Variants in DENND1C observed in about 807,000 individuals in gnomAD.
DENND1C encodes DENN domain-containing protein 1C.
In DENND1C, 64 loss-of-function variants were observed where a neutral mutation model predicts 87.9. That is an observed-to-expected ratio of 0.73 (90% CI 0.60 to 0.90). DENND1C has a LOEUF of 0.90. Ranked by LOEUF, DENND1C falls within the 40% of genes least tolerant of loss-of-function variation. DENND1C has a pLI of 0.00. For synonymous variants in DENND1C, 384 were observed against 424.4 expected, an observed-to-expected ratio of 0.90 and a Z score of 1.17; for missense variants, 980 against 1,037.0, an observed-to-expected ratio of 0.95 and a Z score of 0.76.
chr19:6,479,970 C>G lies in DENND1C; in HGVS notation c.82+17G>C. On this transcript the variant is annotated intron_variant, in intron 2 of 22. Transcript: ENST00000381480. ...ACCCTCCCCTCCCACTCCCTCACTC[C>G]CAGGCTCCCAACTCACCCTCCTGCA... 1 of 1,604,764 alleles carries G rather than the reference C, an allele frequency of 6.2e-7. No homozygotes were observed. The highest frequency in any genetic ancestry group is 2.2e-5 in the East Asian group (1 of 44,446).
rs753982077 is a variant in DENND1C, at chr19:6,479,000, C to T, written c.233G>A (p.Gly78Asp). ...GCGGCAGAAACCAAATCTGCGGTTG[C>T]CGGCAAGGTCTGTGAGGGCGAAGGT... is the stretch of plus-strand genomic sequence containing the variant. The part of the protein sequence containing the change: ...HFTFALTDLA[G>D]NRRFGFCRLR... The change falls in exon 5 of 23, where the codon GGC (glycine) becomes GAC (aspartate). Residue 78 changes from glycine (G) to aspartate (D), a missense_variant. By Grantham distance (94) the Gly-to-Asp change is moderately conservative (BLOSUM62 -1). Transcript: ENST00000381480. 82 of 1,613,832 alleles carry T rather than the reference C, an allele frequency of 5.1e-5. 1 individual carries two copies. The highest frequency in any genetic ancestry group is 1.2e-4 in the Admixed American group (7 of 59,992).
intron 22 of DENND1C, 44 bp downstream of exon 22, chr19:6,468,190 G>A (rs142693243): frequency 1.2e-6 from 2 of 1,612,392 alleles, no homozygotes; most frequent in East Asian, 4.5e-5. Context: ...GGACCATTAG[G>A]GGAAGACTTG....
rs963675901 is a variant in DENND1C at position 6,467,535 on chromosome 19, A to G, written c.2375T>C (p.Val792Ala). The G allele has an allele frequency of 1.9e-6, 3 of 1,607,130 alleles. No individual in the cohort carries two copies. The highest frequency in any genetic ancestry group is 2.5e-6 in the Non-Finnish European group (3 of 1,177,518). ...QKSQPSSRPR[V>A]ADLKKCFEG ...CTCAAAGCACTTCTTAAGATCAGCGACTCTGGGCCGGCTGCTGGGCTGGGA... is the reference window on the plus strand; with the variant it reads ...CTCAAAGCACTTCTTAAGATCAGCGGCTCTGGGCCGGCTGCTGGGCTGGGA... Residue 792 changes from valine to alanine, a missense_variant, in exon 23 of 23, where the codon GTC becomes GCC. Physicochemically the swap from Val to Ala is moderately conservative, Grantham distance 64 (BLOSUM62 0). Transcript: ENST00000381480.
intron 6 of DENND1C, among the ~76,000 whole-genome samples, chr19:6,478,560 A>AT (rs965787058): frequency 1.5e-4 from 22 of 151,490 alleles, no homozygotes; most frequent in Admixed American, 2.6e-4. Flanking sequence ...TTGGCCAATT[A>AT]TTTTTTATAT....
intron 19 of DENND1C, 74 bp downstream of exon 19, chr19:6,469,522 A>T: frequency 6.9e-7 from 1 of 1,456,156 alleles, no homozygotes; most frequent in Non-Finnish European, 9.4e-7. Context: ...GGGCTCAAGC[A>T]ATCCTCCTGC....
chr19:6,481,710 C>A lies in DENND1C; in HGVS notation c.-15G>T. ...CTGGATTCCATGGTCCCTGCAGGGCCAGCCCAGCGGGGCCCTCTCCCCAGG... is the reference window on the plus strand; with the variant it reads ...CTGGATTCCATGGTCCCTGCAGGGCAAGCCCAGCGGGGCCCTCTCCCCAGG... On this transcript the variant is annotated 5_prime_UTR_variant, in exon 1 of 23. Transcript: ENST00000381480. 6.3e-7 allele frequency: 1 copy of A among 1,577,964 alleles called. No individual in the cohort carries two copies.
chr19:6,476,687 C>A, intron 10 of DENND1C, 170 bp downstream of exon 10: 1 of 664,836 alleles, frequency 1.5e-6, no homozygotes. Flanking sequence ...CCCCCTCCCA[C>A]GAGGGCGGGG....
At chr19:6,476,800 C>G in intron 10 of DENND1C, 57 bp downstream of exon 10, 3 of 1,534,612 alleles carry the variant, frequency 2.0e-6, no homozygotes, top group East Asian at 4.6e-5. Context: ...CCTTGTCCCG[C>G]CCCCCGGGGC....
At position 6,471,394 on chromosome 19, in the gene DENND1C, C is replaced by G. The variant is rs1599380513; in HGVS notation, c.1249+12G>C. 6.3e-7 allele frequency: 1 copy of G among 1,584,496 alleles called. No individual in the cohort carries two copies. The highest frequency in any genetic ancestry group is 2.3e-5 in the East Asian group (1 of 43,296). On this transcript the variant is annotated intron_variant, in intron 16 of 22. Transcript: ENST00000381480. ...GGTAGTGGGGGACCCAGGGGCTGGA[C>G]TCAGGGCTCACCTGAGGAGGCCCCG...
In DENND1C at chr19:6,470,359, C is replaced by T. The variant is rs748518703; in HGVS notation, c.1298G>A (p.Gly433Asp). Residue 433 changes from glycine (G) to aspartate (D), a missense_variant, in exon 18 of 23, where the codon GGT becomes GAT. Transcript: ENST00000381480. ...QLWADNLKKG[G>D]GALLHSVKAK... is the part of the protein sequence containing the mutation. ...CTTGACTGAGTGCAGGAGGGCGCCA[C>T]CACCTTTCTGCGGGAGAGAAGATAC... is the stretch of plus-strand genomic sequence containing the variant. The T allele has an allele frequency of 2.2e-5, 35 of 1,612,610 alleles. No homozygotes were observed. Among genetic ancestry groups the T allele is most frequent in the Non-Finnish European group, 5.9e-6 (7 of 1,179,484 alleles).
chr19:6,475,037 A>AAAAT (rs1555748850), intron 14 of DENND1C, among the ~76,000 whole-genome samples: 1 of 151,060 alleles, frequency 6.6e-6, no homozygotes, highest in Non-Finnish European at 1.5e-5. Flanking sequence ...CTCTGTCTCA[A>AAAAT]AAACAAACAA....
At chr19:6,471,367 C>T (rs754147257) in intron 16 of DENND1C, 39 bp downstream of exon 16, 27 of 1,585,314 alleles carry the variant, frequency 1.7e-5, no homozygotes, top group African/African-American at 4.0e-5. Context: ...GTGCTGGTGG[C>T]GGGTAGTGGG....
intron 10 of DENND1C, 47 bp from the exon 11 acceptor site, chr19:6,475,984 C>G: frequency 1.4e-6 from 2 of 1,475,094 alleles, no homozygotes; most frequent in Non-Finnish European, 1.8e-6. Context: ...GACCCTCTAG[C>G]GCGAGGTCTC....
At chr19:6,480,190 G>A in intron 1 of DENND1C, 139 bp from the exon 2 acceptor site, 2 of 1,486,822 alleles carry the variant, frequency 1.3e-6, no homozygotes, top group Non-Finnish European at 1.8e-6. Context: ...GTTTGTGGCT[G>A]TGAGTGTGTG....
chr19:6,476,265 AT>A (rs1195453224), intron 10 of DENND1C: 1 of 328,512 alleles, frequency 3.0e-6, no homozygotes, highest in Non-Finnish European at 5.6e-6. Context: ...AGGTGGAGCT[AT>A]GACGTAGACC....
rs111616105 is a variant in DENND1C at position 6,468,233 on chromosome 19, C to G, written c.1791+1G>C. On this transcript the variant is annotated splice_donor_variant, in intron 22 of 22. Transcript: ENST00000381480. LOFTEE classifies it high-confidence loss of function. ...GTTGGGGGAGTGGGCGAGGCTCTCACCAGGCTGAAGCAGCTGTCCAGGTCT... is the reference window on the plus strand; with the variant it reads ...GTTGGGGGAGTGGGCGAGGCTCTCAGCAGGCTGAAGCAGCTGTCCAGGTCT... 1 of 1,613,186 alleles carries G rather than the reference C, an allele frequency of 6.2e-7. No individual in the cohort carries two copies. Among genetic ancestry groups the G allele is most frequent in the Non-Finnish European group, 8.5e-7 (1 of 1,179,502 alleles).
intron 16 of DENND1C, 31 bp from the exon 17 acceptor site, chr19:6,471,336 G>A (rs777282605): frequency 6.0e-5 from 95 of 1,595,060 alleles, no homozygotes; most frequent in African/African-American, 1.3e-4. Context: ...GGTGGTCACC[G>A]AAGGCTGGCT....
intron 14 of DENND1C, among the ~76,000 whole-genome samples, chr19:6,473,643 G>A (rs1370728543): frequency 6.6e-6 from 1 of 151,928 alleles, no homozygotes; most frequent in African/African-American, 2.4e-5. Flanking sequence ...GCTAATTTTT[G>A]TAGTTTTTGT....
intron 17 of DENND1C, among the ~76,000 whole-genome samples, 164 bp from the exon 18 acceptor site, chr19:6,470,530 G>A (rs1230020851): frequency 1.3e-5 from 2 of 151,948 alleles, no homozygotes; most frequent in African/African-American, 2.4e-5. Context: ...GTGACTTGCG[G>A]AGTTAAATTA....
Sources: allele counts gnomAD v4.1 joint callset (sites outside exome capture counted in the v4.1 genomes callset), GRCh38; gene constraint gnomAD v4.1.1; transcripts MANE v1.5; gene names NCBI Gene and HGNC (gene_info 2026-07-23, HGNC 2026-07-21).